FAM120A: variants seen among roughly 807,000 people sequenced by gnomAD.
FAM120A encodes the protein family with sequence similarity 120 member A, also known as constitutive coactivator of PPAR-gamma-like protein 1.
FAM120A carries 15 observed loss-of-function variants against 109.7 expected under a neutral mutation model. That is an observed-to-expected ratio of 0.14 (90% confidence interval 0.09 to 0.21). The LOEUF (loss-of-function observed/expected upper bound fraction) is 0.21. Ranked by LOEUF, FAM120A falls within the 10% of genes least tolerant of loss-of-function variation. The pLI, the probability that FAM120A is intolerant of heterozygous loss-of-function variation, is 1.00. For missense variants in FAM120A, 899 were observed against 1,439.3 expected, an observed-to-expected ratio of 0.62 and a Z score of 6.07; for synonymous variants, 493 against 572.8, an observed-to-expected ratio of 0.86 and a Z score of 1.99.
intron 3 of FAM120A, among the ~76,000 whole-genome samples, chr9:93,480,704 A>G (rs1020942721): frequency 6.6e-6 from 1 of 151,938 alleles, no homozygotes; most frequent in Non-Finnish European, 1.5e-5. Flanking sequence ...ACTTTTTCCA[A>G]TGGCAATATT....
rs1267850427 is a variant in FAM120A, at chr9:93,500,262, T to G, written c.1030+1376T>G. Among the ~76,000 whole-genome samples the G allele has an allele frequency of 6.6e-6, 1 of 152,246 alleles. No homozygotes were observed. The highest frequency in any genetic ancestry group is 1.9e-4 in the East Asian group (1 of 5,204). ...GGAATAAATTCCCAACTACTTACCT[T>G]GCTTCCTCCCCATCATCTGAGACTG... On this transcript the variant is annotated intron_variant, in intron 5 of 17. Transcript: ENST00000277165. The surrounding 1 kb of genome is among the most constrained non-coding windows in gnomAD (Gnocchi z 4.6).
At chr9:93,545,386 GGGTAC>G (rs1371051008) in intron 11 of FAM120A, among the ~76,000 whole-genome samples, 3 of 152,218 alleles carry the variant, frequency 2.0e-5, no homozygotes, top group African/African-American at 7.2e-5. Context: ...TGTGTTCATA[GGGTAC>G]GGTCTAGCAT....
chr9:93,535,702 A>G (rs1417149777), intron 10 of FAM120A, among the ~76,000 whole-genome samples: 3 of 152,322 alleles, frequency 2.0e-5, no homozygotes, highest in Non-Finnish European at 2.9e-5. Flanking sequence ...ACAAGCCTAT[A>G]AAAAAGTTTT....
intron 3 of FAM120A, among the ~76,000 whole-genome samples, chr9:93,493,894 A>G (rs556478575): frequency 7.9e-5 from 12 of 152,346 alleles, no homozygotes; most frequent in African/African-American, 2.9e-4. Flanking sequence ...GCGCTCTCTC[A>G]GTGGGCCTGG....
At chr9:93,471,962 A>G (rs749286395) in intron 2 of FAM120A, among the ~76,000 whole-genome samples, 4 of 152,198 alleles carry the variant, frequency 2.6e-5, no homozygotes, top group Admixed American at 6.5e-5. Flanking sequence ...ATGACATTAG[A>G]TTTTAATTTT....
chr9:93,461,023 G>A (rs1296870561), intron 1 of FAM120A, among the ~76,000 whole-genome samples: 1 of 152,106 alleles, frequency 6.6e-6, no homozygotes, highest in African/African-American at 2.4e-5. Flanking sequence ...ATTGTTTCTA[G>A]GCATCTTAGG....
chr9:93,478,750 A>T (rs534802826), intron 3 of FAM120A, among the ~76,000 whole-genome samples: 1 of 152,240 alleles, frequency 6.6e-6, no homozygotes, highest in African/African-American at 2.4e-5. Flanking sequence ...TGCTGGGATT[A>T]TAGGTGTGAG....
At chr9:93,529,321 C>T (rs375188615) in intron 8 of FAM120A, 32 bp from the exon 9 acceptor site, 18 of 1,523,378 alleles carry the variant, frequency 1.2e-5, no homozygotes, top group South Asian at 3.8e-5. Flanking sequence ...GACATACACT[C>T]GTTTTCCTCC....
rs962911588 is a variant in FAM120A, at chr9:93,529,737, A to G, written c.1734+157A>G. The G allele has an allele frequency of 1.1e-5, 8 of 706,730 alleles. No homozygotes were observed. The highest frequency in any genetic ancestry group is 2.7e-5 in the East Asian group (1 of 37,078). The allele number at this position is 706,730 out of a possible 1,614,324, so 43.8% of individuals were successfully genotyped here. ...CCCCTTTCTAAACATTGAATGAAAG[A>G]TGAACATTTATAACTGTAAATAGTT... On this transcript the variant is annotated intron_variant, in intron 9 of 17. Coordinates refer to ENST00000277165, the MANE Select transcript of FAM120A (RefSeq NM_014612.5).
At chr9:93,475,049 G>C (rs1040458186) in intron 2 of FAM120A, among the ~76,000 whole-genome samples, 2 of 152,224 alleles carry the variant, frequency 1.3e-5, no homozygotes, top group African/African-American at 4.8e-5. Flanking sequence ...TTGGAATACA[G>C]GTGGAGTGTC....
chr9:93,561,312 T>A, intron 16 of FAM120A, 62 bp downstream of exon 16: 1 of 1,504,790 alleles, frequency 6.6e-7, no homozygotes. Context: ...CTAACTTGCT[T>A]TTTTTTGGAA....
At position 93,564,520 on chromosome 9, in the gene FAM120A, G is replaced by C. The variant is rs1460528888; in HGVS notation, c.3337G>C (p.Val1113Leu). 6.2e-7 allele frequency: 1 copy of C among 1,608,490 alleles called. No homozygotes were observed. Among genetic ancestry groups the C allele is most frequent in the Non-Finnish European group, 8.5e-7 (1 of 1,176,012 alleles). The change falls in exon 18 of 18, where the codon GTC (valine) becomes CTC (leucine). Residue 1113 changes from valine to leucine, a missense_variant. By Grantham distance (32) the Val-to-Leu change is conservative. Coordinates refer to ENST00000277165, the MANE Select transcript of FAM120A (RefSeq NM_014612.5). ...CAGAGAAGCTGCTCTGGAGGCAGCTGTCTTAAATAAAGAAGAGTAAACTTA... is the reference window on the plus strand; with the variant it reads ...CAGAGAAGCTGCTCTGGAGGCAGCTCTCTTAAATAAAGAAGAGTAAACTTA... ...CRREAALEAA[V>L]LNKEE is the part of the protein sequence containing the mutation.
chr9:93,482,694 G>A (rs1176660268), intron 3 of FAM120A, among the ~76,000 whole-genome samples: 1 of 152,188 alleles, frequency 6.6e-6, no homozygotes, highest in African/African-American at 2.4e-5. Flanking sequence ...CCTTCTTATC[G>A]CAGGGACTGT....
At position 93,532,853 on chromosome 9, in the gene FAM120A, GA is replaced by G. The variant is rs2131479635; in HGVS notation, c.1909+526del. Among the ~76,000 whole-genome samples, 1 of 152,334 alleles carries G rather than the reference GA, an allele frequency of 6.6e-6. No homozygotes were observed. The highest frequency in any genetic ancestry group is 2.4e-5 in the African/African-American group (1 of 41,580). The stretch of plus-strand genomic sequence containing the variant: ...CGCAGGATTGTGATGATTTGTCTCG[GA>G]ATCCTCTGAGACCTGTGCACTTCCA... On this transcript the variant is annotated intron_variant, in intron 10 of 17. Transcript: ENST00000277165. The surrounding 1 kb of genome is among the most constrained non-coding windows in gnomAD (Gnocchi z 4.3).
At position 93,507,711 on chromosome 9, in the gene FAM120A, G is replaced by T. The variant is rs376636007; in HGVS notation, c.1031-7956G>T. 1.3e-4 allele frequency among the ~76,000 whole-genome samples: 20 copies of T among 152,296 alleles called. No homozygotes were observed. The South Asian group carries it at 4.1e-3, about 32-fold the overall frequency. ...CTGAGAGGTTGGGCAAGATGAGGGC[G>T]CTGCCTGATAGATGGAGTGTCAGTA... On this transcript the variant is annotated intron_variant, in intron 5 of 17. Transcript: ENST00000277165.
At chr9:93,545,050 T>G (rs770272910) in intron 11 of FAM120A, among the ~76,000 whole-genome samples, 8 of 152,214 alleles carry the variant, frequency 5.3e-5, no homozygotes, top group Non-Finnish European at 8.8e-5. Flanking sequence ...ATGTTCCCTT[T>G]GTCACCTTGC....
chr9:93,472,531 T>C (rs1858355229), intron 2 of FAM120A, among the ~76,000 whole-genome samples: 1 of 152,194 alleles, frequency 6.6e-6, no homozygotes, highest in Non-Finnish European at 1.5e-5. Flanking sequence ...AAGGCCAGTT[T>C]GGGAAGCTGT....
chr9:93,490,937 C>T, intron 3 of FAM120A, among the ~76,000 whole-genome samples: 1 of 152,226 alleles, frequency 6.6e-6, no homozygotes, highest in Non-Finnish European at 1.5e-5. Flanking sequence ...ACGTGCCTGA[C>T]AGGGTTTCCA....
At chr9:93,563,165 G>C (rs1587645635) in intron 17 of FAM120A, among the ~76,000 whole-genome samples, 1 of 152,092 alleles carries the variant, frequency 6.6e-6, no homozygotes, top group Admixed American at 6.5e-5. Flanking sequence ...TCTCCATCTG[G>C]GTTGATGATT....
Sources: gnomAD v4.1 joint callset for allele counts (sites outside exome capture counted in the v4.1 genomes callset) on GRCh38, gnomAD v4.1.1 for gene constraint, Gnocchi (gnomAD v3.1) non-coding constraint, MANE v1.5 for transcripts, NCBI Gene and HGNC (gene_info 2026-07-23, HGNC 2026-07-21) for gene names.